The following C3orf33 variants were observed in gnomAD, a reference collection of about 807,000 sequenced individuals.
C3orf33 encodes mitochondrial inner membrane subdomain organizer 1.
In C3orf33, 23 loss-of-function variants were observed where a neutral mutation model predicts 28.7. The observed-to-expected ratio is 0.80, with a 90% CI of 0.58 to 1.13. C3orf33 has a LOEUF of 1.13. Ranked by LOEUF, C3orf33 falls within the 50% of genes most tolerant of loss-of-function variation. The probability of loss-of-function intolerance (pLI) is 0.00; values close to 1 mark genes in which losing one functional copy is unlikely to be tolerated. For missense variants in C3orf33, 327 were observed against 353.4 expected (o/e 0.93, Z 0.60); for synonymous variants, 119 against 120.5 (o/e 0.99, Z 0.08).
intron 2 of C3orf33, among the ~76,000 whole-genome samples, chr3:155,794,407 A>T (rs1389491894): frequency 6.6e-6 from 1 of 152,214 alleles, no homozygotes; most frequent in African/African-American, 2.4e-5. Context: ...TAAAAAGCAA[A>T]AAACTGAAAC....
chr3:155,767,545 CTCCTT>C lies in C3orf33; in HGVS notation c.442_446del (p.Lys148GlufsTer12). The C allele has an allele frequency of 6.3e-7, 1 of 1,588,808 alleles. No homozygotes were observed. On this transcript the variant is annotated frameshift_variant, in exon 4 of 5. Coordinates refer to ENST00000340171, the MANE Select transcript of C3orf33 (RefSeq NM_001308229.2). LOFTEE classifies it high-confidence loss of function. ...GAAGATAGCAAAAGAGTGCTGAATT[CTCCTT>C]TCCAAGAAGTTGGAACCATAGTAAT...
In C3orf33 at chr3:155,793,826, AACT is replaced by A. The variant is rs201617882; in HGVS notation, c.174+8703_174+8705del. 4.5e-3 allele frequency among the ~76,000 whole-genome samples: 468 copies of A among 103,664 alleles called. 26 individuals carry two copies. Among genetic ancestry groups the A allele is most frequent in the African/African-American group, 0.016 (437 of 26,994 alleles). 68.0% of individuals were successfully genotyped at this position (103,664 alleles called of 152,430 possible). ...CTCTGACTCAAAAAAAAAAAAAAAAAACTAAAAAAACTAAAAAAACTAAAACAG... is the reference window on the plus strand; with the variant it reads ...CTCTGACTCAAAAAAAAAAAAAAAAAAAAAAAACTAAAAAAACTAAAACAG... On this transcript the variant is annotated intron_variant, in intron 2 of 4. Coordinates refer to ENST00000340171, the MANE Select transcript of C3orf33 (RefSeq NM_001308229.2).
chr3:155,805,307 AAAC>A (rs1177536968), intron 1 of C3orf33, among the ~76,000 whole-genome samples: 10 of 145,062 alleles, frequency 6.9e-5, no homozygotes, highest in South Asian at 2.3e-4. Context: ...TACAAACAAA[AAAC>A]AAATTAGCCT....
chr3:155,770,620 A>G (rs1398435279), intron 3 of C3orf33, among the ~76,000 whole-genome samples: 2 of 152,348 alleles, frequency 1.3e-5, no homozygotes, highest in Middle Eastern at 3.4e-3. Context: ...GAATTTAAAA[A>G]TAAATCTTCC....
At chr3:155,776,758 TCAAAAAAAAAA>T (rs77681150) in intron 2 of C3orf33, among the ~76,000 whole-genome samples, 113 of 21,010 alleles carry the variant, frequency 5.4e-3, no homozygotes, top group Non-Finnish European at 7.7e-3. Context: ...CCTGACTCTG[TCAAAAAAAAAA>T]AAAAAAAAAA....
intron 2 of C3orf33, among the ~76,000 whole-genome samples, chr3:155,787,140 G>A (rs112696967): frequency 0.024 from 3,639 of 152,196 alleles, 143 homozygotes; most frequent in African/African-American, 0.083. Context: ...CTATAGACCA[G>A]TATCTGTCAT....
At chr3:155,780,603 G>A (rs989935151) in intron 2 of C3orf33, among the ~76,000 whole-genome samples, 1 of 152,180 alleles carries the variant, frequency 6.6e-6, no homozygotes, top group African/African-American at 2.4e-5. Context: ...AACTCTCAGA[G>A]GGAAGAAAAT....
At chr3:155,764,788 A>G (rs148083063) in intron 4 of C3orf33, among the ~76,000 whole-genome samples, 3,651 of 151,570 alleles carry the variant, frequency 0.024, 144 homozygotes, top group African/African-American at 0.083. Flanking sequence ...CCCAGGAGGC[A>G]GAGGTTGCAG....
At chr3:155,775,421 G>A (rs1472880532) in intron 3 of C3orf33, among the ~76,000 whole-genome samples, 8 of 151,806 alleles carry the variant, frequency 5.3e-5, no homozygotes, top group South Asian at 2.1e-4. Flanking sequence ...CCTGGGAGGC[G>A]GAGGTTGCAG....
chr3:155,767,540 G>C lies in C3orf33; in HGVS notation c.452C>G (p.Ser151Ter). Reference protein sequence around the residue: ...LWFQLLGKENSALFCYLLVSK... With the variant: ...LWFQLLGKEN ...CACCAGAAGATAGCAAAAGAGTGCTGAATTCTCCTTTCCAAGAAGTTGGAA... is the reference window on the plus strand; with the variant it reads ...CACCAGAAGATAGCAAAAGAGTGCTCAATTCTCCTTTCCAAGAAGTTGGAA... Residue 151 changes from serine to a stop codon, truncating the protein, a stop_gained, in exon 4 of 5, where the codon TCA (serine) becomes TGA (stop). Coordinates refer to ENST00000340171, the MANE Select transcript of C3orf33 (RefSeq NM_001308229.2). LOFTEE classifies it high-confidence loss of function. The C allele has an allele frequency of 6.3e-7, 1 of 1,587,362 alleles. No homozygotes were observed. The highest frequency in any genetic ancestry group is 1.2e-5 in the South Asian group (1 of 86,422).
chr3:155,775,911 T>C, intron 2 of C3orf33, 63 bp from the exon 3 acceptor site: 1 of 1,245,052 alleles, frequency 8.0e-7, no homozygotes. Flanking sequence ...AAATTTAAAA[T>C]GTCAAATTAT....
chr3:155,805,776 C>A, intron 1 of C3orf33: 2 of 490,798 alleles, frequency 4.1e-6, no homozygotes, highest in South Asian at 3.5e-5. Flanking sequence ...TCTCCCAAGG[C>A]GTACAGGACT....
At chr3:155,785,581 T>C (rs939042129) in intron 2 of C3orf33, among the ~76,000 whole-genome samples, 1 of 152,110 alleles carries the variant, frequency 6.6e-6, no homozygotes, top group Non-Finnish European at 1.5e-5. Flanking sequence ...GGCAATTAAA[T>C]GCACTCAAAC....
At chr3:155,806,015 C>T in intron 1 of C3orf33, 124 bp downstream of exon 1, 1 of 631,350 alleles carries the variant, frequency 1.6e-6, no homozygotes, top group Non-Finnish European at 2.5e-6. Flanking sequence ...CGAGCTCATT[C>T]CCCCGCAGTT....
At chr3:155,801,536 A>G (rs556891645) in intron 2 of C3orf33, among the ~76,000 whole-genome samples, 2 of 152,304 alleles carry the variant, frequency 1.3e-5, no homozygotes, top group East Asian at 3.9e-4. Flanking sequence ...GAATATTGTC[A>G]GTCTTAAAAA....
At chr3:155,796,933 G>A (rs547983426) in intron 2 of C3orf33, among the ~76,000 whole-genome samples, 11 of 152,336 alleles carry the variant, frequency 7.2e-5, no homozygotes, top group African/African-American at 2.4e-4. Context: ...GCTCATGACT[G>A]TAATCCCAGT....
chr3:155,779,303 CT>C (rs201516576), intron 2 of C3orf33, among the ~76,000 whole-genome samples: 2,422 of 151,218 alleles, frequency 0.016, 29 homozygotes, highest in South Asian at 0.04. Flanking sequence ...GATCTTTTTT[CT>C]TTTTTTTTGA....
chr3:155,805,028 CTCTT>C (rs1751768656), intron 1 of C3orf33, among the ~76,000 whole-genome samples: 1 of 152,136 alleles, frequency 6.6e-6, no homozygotes, highest in Non-Finnish European at 1.5e-5. Context: ...CTCCTTGGAC[CTCTT>C]TCTTTGTACC....
In C3orf33 at chr3:155,763,300, G is replaced by C; in HGVS notation, c.*217C>G. The C allele has an allele frequency of 2.7e-6, 1 of 367,124 alleles. No homozygotes were observed. The highest frequency in any genetic ancestry group is 1.0e-4 in the South Asian group (1 of 9,680). The allele number at this position is 367,124 out of a possible 1,614,324, so 22.7% of individuals were successfully genotyped here. ...TCAGCCTGGTAACTTCTCATAAAGT[G>C]TTTCATCCTTCCTAAAATCATATTA... On this transcript the variant is annotated 3_prime_UTR_variant, in exon 5 of 5. Transcript: ENST00000340171.
Sources: allele counts gnomAD v4.1 joint callset (sites outside exome capture counted in the v4.1 genomes callset), GRCh38; gene constraint gnomAD v4.1.1; transcripts MANE v1.5; gene names NCBI Gene and HGNC (gene_info 2026-07-23, HGNC 2026-07-21).